Variants in TRHDE observed in about 807,000 individuals in gnomAD.
The protein encoded by TRHDE is thyrotropin-releasing hormone-degrading ectoenzyme.
A neutral mutation model predicts 125.7 loss-of-function variants in TRHDE; 72 were observed. That is an observed-to-expected ratio of 0.57 (90% CI 0.47 to 0.70). TRHDE has a LOEUF of 0.70. Among genes scored for constraint, TRHDE ranks in the 30% least tolerant of loss-of-function variants. The pLI, the probability that TRHDE is intolerant of heterozygous loss-of-function variation, is 0.00. For synonymous variants in TRHDE, 509 were observed against 509.1 expected, an observed-to-expected ratio of 1.00 and a Z score of 0.00; for missense variants, 1,110 against 1,327.1, an observed-to-expected ratio of 0.84 and a Z score of 2.54.
At position 72,568,590 on chromosome 12, in the gene TRHDE, A is replaced by T. The variant is rs138796278; in HGVS notation, c.2065A>T (p.Thr689Ser). The T allele has an allele frequency of 8.3e-4, 1,336 of 1,611,294 alleles. 11 individuals carry two copies. The highest frequency in any genetic ancestry group is 8.1e-3 in the Middle Eastern group (49 of 6,036). ...CAGTTACCTGTGGCAGATTCCATTA[A>T]CTATTGTGGTAGGAAATAGAAGCCA... ...NNSYLWQIPL[T>S]IVVGNRSHVS... The change falls in exon 10 of 19, where the codon ACT (threonine) becomes TCT (serine). Residue 689 changes from threonine to serine, a missense_variant. Coordinates refer to ENST00000261180, the MANE Select transcript of TRHDE (RefSeq NM_013381.3).
At chr12:72,377,965 A>G (rs761747751) in intron 2 of TRHDE, 30 bp from the exon 3 acceptor site, 2 of 1,499,778 alleles carry the variant, frequency 1.3e-6, no homozygotes, top group Non-Finnish European at 1.8e-6. Flanking sequence ...CTAAAAGGCT[A>G]AAGTAACTTT....
Position 72,365,894 on chromosome 12 carries a change from T to C in TRHDE, c.1189-12101T>C, listed in dbSNP as rs150674598. Among the ~76,000 whole-genome samples, 284 of 152,256 alleles carry C rather than the reference T, an allele frequency of 1.9e-3. 1 individual carries two copies. Among genetic ancestry groups the C allele is most frequent in the African/African-American group, 6.1e-3 (255 of 41,556 alleles). On this transcript the variant is annotated intron_variant, in intron 2 of 18. Transcript: ENST00000261180. ...CCAAGGACTGTGGAGGGCTGGTCCC[T>C]GTGGAGGCTCTGTGGGATGATCTGG...
At chr12:72,355,076 G>A (rs926430006) in intron 2 of TRHDE, among the ~76,000 whole-genome samples, 2 of 151,414 alleles carry the variant, frequency 1.3e-5, no homozygotes, top group East Asian at 1.9e-4. Context: ...AATACAACGT[G>A]GGACCTCTTA....
intron 6 of TRHDE, among the ~76,000 whole-genome samples, chr12:72,504,132 A>G (rs1261683079): frequency 1.3e-5 from 2 of 152,124 alleles, no homozygotes; most frequent in Non-Finnish European, 2.9e-5. Flanking sequence ...GGGGAACTGT[A>G]AAAAAACAAG....
At position 72,272,390 on chromosome 12, in the gene TRHDE, C is replaced by T; in HGVS notation, c.-254C>T. On this transcript the variant is annotated 5_prime_UTR_variant, in exon 1 of 19. Coordinates refer to ENST00000261180, the MANE Select transcript of TRHDE (RefSeq NM_013381.3). This position sits in a 1 kb window ranked among gnomAD's most constrained non-coding sequence, Gnocchi z 6.7. ...CGTCCGAGAAGTAGCGCGCGCTGGGCAAGCAAGACGCTTTCCAAGTTGGGC... is the reference window on the plus strand; with the variant it reads ...CGTCCGAGAAGTAGCGCGCGCTGGGTAAGCAAGACGCTTTCCAAGTTGGGC... The T allele has an allele frequency of 2.5e-6, 1 of 394,842 alleles. No homozygotes were observed. The allele number at this position is 394,842 out of a possible 1,614,324, so 24.5% of individuals were successfully genotyped here.
Position 72,572,821 on chromosome 12 carries a change from T to G in TRHDE, c.2132-2434T>G, listed in dbSNP as rs1302391832. Among the ~76,000 whole-genome samples the G allele has an allele frequency of 2.0e-5, 3 of 151,966 alleles. No individual in the cohort carries two copies. In the East Asian group the frequency reaches 5.8e-4, roughly 29 times the overall value. Reference sequence around the variant, plus strand: ...ATCTATAAGTTGTTGAAATTAAGTTTAAAAACTAGATTCAAGCAAATCAAA... The same window carrying G: ...ATCTATAAGTTGTTGAAATTAAGTTGAAAAACTAGATTCAAGCAAATCAAA... On this transcript the variant is annotated intron_variant, in intron 10 of 18. Coordinates refer to ENST00000261180, the MANE Select transcript of TRHDE (RefSeq NM_013381.3).
At chr12:72,570,559 T>TGA (rs1214265042) in intron 10 of TRHDE, among the ~76,000 whole-genome samples, 2 of 118,794 alleles carry the variant, frequency 1.7e-5, no homozygotes, top group Admixed American at 1.3e-4. Flanking sequence ...CCAGCCTGAG[T>TGA]GAGAGAGAGA....
rs1872849580 is a variant in TRHDE at position 72,397,545 on chromosome 12, C to CT, written c.1315+19425dup. On this transcript the variant is annotated intron_variant, in intron 3 of 18. Coordinates refer to ENST00000261180, the MANE Select transcript of TRHDE (RefSeq NM_013381.3). Reference sequence around the variant, plus strand: ...CCACCATCTAATCCCTGTTACCTTGCTGACCCAACCCACCATTCTCCTTGT... The same window carrying CT: ...CCACCATCTAATCCCTGTTACCTTGCTTGACCCAACCCACCATTCTCCTTGT... 3.9e-5 allele frequency among the ~76,000 whole-genome samples: 6 copies of CT among 152,184 alleles called. No individual in the cohort carries two copies. The South Asian group carries it at 1.2e-3, about 32-fold the overall frequency.
At chr12:72,485,386 C>A (rs1877355073) in intron 5 of TRHDE, among the ~76,000 whole-genome samples, 1 of 152,156 alleles carries the variant, frequency 6.6e-6, no homozygotes, top group Non-Finnish European at 1.5e-5. Flanking sequence ...TATTCTTTAC[C>A]TCCTAGAGGC....
At chr12:72,490,027 A>T (rs980799709) in intron 5 of TRHDE, among the ~76,000 whole-genome samples, 1 of 151,992 alleles carries the variant, frequency 6.6e-6, no homozygotes, top group Non-Finnish European at 1.5e-5. Context: ...TCTGTACAGC[A>T]AAGGAAACAA....
intron 2 of TRHDE, among the ~76,000 whole-genome samples, chr12:72,129,023 A>G (rs1479959188): frequency 6.6e-6 from 1 of 152,250 alleles, no homozygotes; most frequent in Non-Finnish European, 1.5e-5. Flanking sequence ...TAAAGAGGAA[A>G]TATTAAAAGC....
intron 7 of TRHDE, among the ~76,000 whole-genome samples, chr12:72,555,861 A>G (rs1869896210): frequency 6.6e-6 from 1 of 152,186 alleles, no homozygotes; most frequent in Non-Finnish European, 1.5e-5. Flanking sequence ...TACTCTAATA[A>G]TGCACATACT....
At position 72,273,227 on chromosome 12, in the gene TRHDE, A is replaced by G. The variant is rs1269940628; in HGVS notation, c.584A>G (p.Tyr195Cys). 1 of 1,613,592 alleles carries G rather than the reference A, an allele frequency of 6.2e-7. No individual in the cohort carries two copies. The highest frequency in any genetic ancestry group is 8.5e-7 in the Non-Finnish European group (1 of 1,179,802). The change falls in exon 1 of 19, where the codon TAC (tyrosine) becomes TGC (cysteine). Residue 195 changes from tyrosine to cysteine, a missense_variant. Transcript: ENST00000261180. The surrounding 1 kb of genome is among the most constrained non-coding windows in gnomAD (Gnocchi z 5.3). The stretch of plus-strand genomic sequence containing the variant: ...TCGGGCCACCTGAAGCCGCTGCACT[A>G]CAATCTGATGCTCACCGCCTTCATG... ...RLSGHLKPLH[Y>C]NLMLTAFMEN...
rs1250801625 is a variant in TRHDE, at chr12:72,603,322, C to T, written c.2322-15569C>T. ...TAACAAGAGGTATCCTGTGTGTTGG[C>T]GGGTGTGTGTGGTGTGTGTTGGTGT... On this transcript the variant is annotated intron_variant, in intron 12 of 18. Transcript: ENST00000261180. 4.6e-5 allele frequency among the ~76,000 whole-genome samples: 7 copies of T among 151,672 alleles called. No individual in the cohort carries two copies. The South Asian group carries it at 6.3e-4, about 14-fold the overall frequency.
At chr12:72,320,606 C>T (rs1432503285) in intron 2 of TRHDE, among the ~76,000 whole-genome samples, 1 of 150,430 alleles carries the variant, frequency 6.6e-6, no homozygotes, top group Non-Finnish European at 1.5e-5. Flanking sequence ...ATTGCGTTGG[C>T]TCTTCTATGT....
chr12:72,111,298 C>T (rs183051301), intron 2 of TRHDE, among the ~76,000 whole-genome samples: 1 of 152,276 alleles, frequency 6.6e-6, no homozygotes, highest in Admixed American at 6.5e-5. Flanking sequence ...GTGTATTTGA[C>T]AGCCCCTGGT....
intron 12 of TRHDE, among the ~76,000 whole-genome samples, chr12:72,612,608 A>G (rs528228640): frequency 6.6e-6 from 1 of 152,166 alleles, no homozygotes; most frequent in Non-Finnish European, 1.5e-5. Context: ...AATGGGCATA[A>G]TAGTACTGAT....
chr12:72,327,879 G>A (rs1869413131), intron 2 of TRHDE, among the ~76,000 whole-genome samples: 1 of 152,240 alleles, frequency 6.6e-6, no homozygotes, highest in African/African-American at 2.4e-5. Flanking sequence ...GTTTCGCTCA[G>A]GCTTCTTTTT....
chr12:72,152,216 A>G lies in TRHDE; in HGVS notation n.279+46464A>G, dbSNP rs1002907810. ...TCTGTTTGTCTGTTATTGGTGTATA[A>G]GAATGCTTGTGATTTTTGTACATTG... On this transcript the variant is annotated intron_variant and non_coding_transcript_variant, in intron 2 of 4. Coordinates refer to the TRHDE transcript ENST00000548156. Among the ~76,000 whole-genome samples, 12 of 150,928 alleles carry G rather than the reference A, an allele frequency of 8.0e-5. 1 individual carries two copies. Among genetic ancestry groups the G allele is most frequent in the African/African-American group, 2.9e-4 (12 of 40,762 alleles).
Sources: gnomAD v4.1 joint callset for allele counts (sites outside exome capture counted in the v4.1 genomes callset) on GRCh38, gnomAD v4.1.1 for gene constraint, Gnocchi (gnomAD v3.1) non-coding constraint, MANE v1.5 for transcripts, NCBI Gene and HGNC (gene_info 2026-07-23, HGNC 2026-07-21) for gene names.